IMMP2L: variants seen among roughly 807,000 people sequenced by gnomAD.
IMMP2L encodes inner mitochondrial membrane peptidase subunit 2.
In IMMP2L, 18 loss-of-function variants were observed where a neutral mutation model predicts 19.3. The observed-to-expected ratio is 0.93, with a 90% CI of 0.64 to 1.38. The LOEUF (loss-of-function observed/expected upper bound fraction) is 1.38, where lower values mean the gene tolerates loss of function less well. Ranked by LOEUF, IMMP2L falls within the 40% of genes most tolerant of loss-of-function variation. The probability of loss-of-function intolerance (pLI) is 0.00; values close to 1 mark genes in which losing one functional copy is unlikely to be tolerated. For synonymous variants in IMMP2L, 76 were observed against 73.0 expected, an observed-to-expected ratio of 1.04 and a Z score of -0.21; for missense variants, 233 against 218.2, an observed-to-expected ratio of 1.07 and a Z score of -0.43.
At chr7:110,919,827 G>T (rs573056039) in intron 4 of IMMP2L, among the ~76,000 whole-genome samples, 14 of 152,126 alleles carry the variant, frequency 9.2e-5, no homozygotes, top group Non-Finnish European at 1.8e-4. Context: ...TGAGGGTGTT[G>T]CCGAAGGAGA....
chr7:110,721,692 G>T lies in IMMP2L; in HGVS notation c.409-57971C>A, dbSNP rs1188912866. On this transcript the variant is annotated intron_variant, in intron 5 of 5. Coordinates refer to ENST00000405709, the MANE Select transcript of IMMP2L (RefSeq NM_032549.4). ...CATTAATTTTCATTTTTCTAGCAAA[G>T]AATGGAAATCTTTGCTACTAAACAA... is the stretch of plus-strand genomic sequence containing the variant. Among the ~76,000 whole-genome samples the T allele has an allele frequency of 8.5e-5, 13 of 152,160 alleles. No individual in the cohort carries two copies. In the East Asian group the frequency reaches 2.5e-3, roughly 29 times the overall value.
At chr7:111,055,829 A>G (rs1419675988) in intron 3 of IMMP2L, among the ~76,000 whole-genome samples, 1 of 152,196 alleles carries the variant, frequency 6.6e-6, no homozygotes, top group Non-Finnish European at 1.5e-5. Context: ...ATCTGAACAT[A>G]CATTCTTATA....
intron 5 of IMMP2L, among the ~76,000 whole-genome samples, chr7:110,787,809 A>T (rs1463525452): frequency 6.6e-6 from 1 of 151,920 alleles, no homozygotes; most frequent in Non-Finnish European, 1.5e-5. Flanking sequence ...TCACATTCTG[A>T]TGCACTGATA....
intron 5 of IMMP2L, among the ~76,000 whole-genome samples, chr7:110,702,677 A>G (rs1291749017): frequency 6.6e-6 from 1 of 152,170 alleles, no homozygotes; most frequent in African/African-American, 2.4e-5. Context: ...TAATGCTATT[A>G]TAAATAATAT....
intron 5 of IMMP2L, among the ~76,000 whole-genome samples, chr7:110,731,936 G>A (rs2130820886): frequency 6.6e-6 from 1 of 152,322 alleles, no homozygotes; most frequent in East Asian, 1.9e-4. Flanking sequence ...ACTAGTTAGA[G>A]ACACAAACAG....
chr7:110,699,917 C>T (rs907656853), intron 5 of IMMP2L, among the ~76,000 whole-genome samples: 2 of 152,066 alleles, frequency 1.3e-5, no homozygotes, highest in Non-Finnish European at 2.9e-5. Flanking sequence ...TGGTAAAGAC[C>T]TAAAGGCAGT....
intron 3 of IMMP2L, among the ~76,000 whole-genome samples, chr7:111,152,314 C>T (rs565259052): frequency 6.6e-6 from 1 of 152,200 alleles, no homozygotes; most frequent in East Asian, 1.9e-4. Context: ...GTTACCACTG[C>T]ATTACCGTTA....
At chr7:111,018,115 C>G (rs1428984726) in intron 3 of IMMP2L, among the ~76,000 whole-genome samples, 1 of 152,094 alleles carries the variant, frequency 6.6e-6, no homozygotes, top group African/African-American at 2.4e-5. Flanking sequence ...CATCATTATT[C>G]TACTATTATT....
intron 3 of IMMP2L, among the ~76,000 whole-genome samples, chr7:111,165,422 T>C (rs1479046052): frequency 5.9e-5 from 9 of 152,082 alleles, no homozygotes; most frequent in Non-Finnish European, 1.0e-4. Context: ...CTTTCAATTC[T>C]TTTGGATAAA....
chr7:111,275,460 C>T (rs941011655), intron 3 of IMMP2L, among the ~76,000 whole-genome samples: 8 of 152,080 alleles, frequency 5.3e-5, no homozygotes, highest in African/African-American at 1.9e-4. Flanking sequence ...AATTCACACT[C>T]CAAAAACAGT....
intron 3 of IMMP2L, among the ~76,000 whole-genome samples, chr7:111,243,047 C>G (rs1815321276): frequency 2.0e-5 from 3 of 151,958 alleles, no homozygotes; most frequent in African/African-American, 7.3e-5. Context: ...TTCTTGTGAA[C>G]CACATGTCTG....
At chr7:111,468,162 T>C (rs115785713) in intron 3 of IMMP2L, among the ~76,000 whole-genome samples, 3,398 of 152,266 alleles carry the variant, frequency 0.022, 136 homozygotes, top group African/African-American at 0.078. Flanking sequence ...TATTGTTTTC[T>C]TATAAAAGTC....
chr7:110,892,018 T>C (rs1810851732), intron 4 of IMMP2L, among the ~76,000 whole-genome samples: 1 of 152,162 alleles, frequency 6.6e-6, no homozygotes, highest in Admixed American at 6.5e-5. Context: ...CAGAAATTGA[T>C]ATCCCAAAAT....
At chr7:111,157,547 G>C (rs2129605046) in intron 3 of IMMP2L, among the ~76,000 whole-genome samples, 1 of 152,198 alleles carries the variant, frequency 6.6e-6, no homozygotes, top group South Asian at 2.1e-4. Context: ...TAGAGGTAGA[G>C]AGTAGAATGA....
At position 110,890,254 on chromosome 7, in the gene IMMP2L, T is replaced by G. The variant is rs113037084; in HGVS notation, c.306-3559A>C. On this transcript the variant is annotated intron_variant, in intron 4 of 5. Coordinates refer to ENST00000405709, the MANE Select transcript of IMMP2L (RefSeq NM_032549.4). ...TATCTGTGTTCTGCATATTCAAATA[T>G]GCAGAGAGTAGTAAGTGAAAGTATA... 1.5e-4 allele frequency among the ~76,000 whole-genome samples: 23 copies of G among 152,278 alleles called. 1 individual carries two copies. The highest frequency in any genetic ancestry group is 5.5e-4 in the African/African-American group (23 of 41,556).
intron 3 of IMMP2L, among the ~76,000 whole-genome samples, chr7:111,277,487 C>T (rs890261680): frequency 1.3e-5 from 2 of 151,400 alleles, no homozygotes; most frequent in African/African-American, 4.8e-5. Flanking sequence ...ACTGTTTGAA[C>T]CCAAGAGGCG....
intron 3 of IMMP2L, among the ~76,000 whole-genome samples, chr7:111,363,389 GA>G (rs1251757259): frequency 1.3e-5 from 2 of 151,970 alleles, no homozygotes. Flanking sequence ...ACGGACCTAA[GA>G]AGCAGAGAAA....
chr7:111,381,100 G>A (rs1032313843), intron 3 of IMMP2L, among the ~76,000 whole-genome samples: 1 of 151,946 alleles, frequency 6.6e-6, no homozygotes, highest in African/African-American at 2.4e-5. Context: ...GCGAACTGTT[G>A]TAGCTGATTA....
In IMMP2L at chr7:111,449,622, T is replaced by G. The variant is rs199667755; in HGVS notation, c.239+37616A>C. ...AATATCATACTGAATGGGCAAAAAC[T>G]GGAAGCATTCCCTTTGAAAACTGGC... On this transcript the variant is annotated intron_variant, in intron 3 of 5. Coordinates refer to ENST00000405709, the MANE Select transcript of IMMP2L (RefSeq NM_032549.4). Among the ~76,000 whole-genome samples, 5 of 33,134 alleles carry G rather than the reference T, an allele frequency of 1.5e-4. No homozygotes were observed. The East Asian group carries it at 2.2e-3, about 14-fold the overall frequency. The allele number at this position is 33,134 out of a possible 152,430, so 21.7% of individuals were successfully genotyped here.
Sources: gnomAD v4.1 joint callset for allele counts (sites outside exome capture counted in the v4.1 genomes callset) on GRCh38, gnomAD v4.1.1 for gene constraint, MANE v1.5 for transcripts, NCBI Gene and HGNC (gene_info 2026-07-23, HGNC 2026-07-21) for gene names.